Variants in CREB5 observed in about 807,000 individuals in gnomAD.
The protein encoded by CREB5 is cyclic AMP-responsive element-binding protein 5.
A neutral mutation model predicts 57.1 loss-of-function variants in CREB5; 19 were observed. That is an observed-to-expected ratio of 0.33 (90% CI 0.23 to 0.49). The LOEUF is 0.49. CREB5 is among the 20% of genes least tolerant of loss of function. CREB5 has a pLI of 0.99. For missense variants in CREB5, 579 were observed against 671.6 expected (o/e 0.86, Z 1.52); for synonymous variants, 238 against 238.3 (o/e 1.00, Z 0.01).
intron 4 of CREB5, among the ~76,000 whole-genome samples, chr7:28,534,922 C>T (rs1793893022): frequency 7.1e-6 from 1 of 141,546 alleles, no homozygotes; most frequent in Admixed American, 7.0e-5. Flanking sequence ...ACTCTGGAGT[C>T]TGAGTTCTCA....
At chr7:28,410,140 G>A (rs1161771747), upstream of CREB5, 2 of 388,900 alleles carry the variant, frequency 5.1e-6, no homozygotes, top group African/African-American at 4.2e-5. Context: ...CCGGGCTGCC[G>A]GCTGCAGCGG....
chr7:28,521,255 G>A (rs575880210), intron 4 of CREB5, among the ~76,000 whole-genome samples: 3 of 152,176 alleles, frequency 2.0e-5, no homozygotes, highest in African/African-American at 2.4e-5. Flanking sequence ...TTAGAGTTTC[G>A]GAAGGCCGTG....
At chr7:28,367,680 T>C (rs767552699) in intron 1 of CREB5, among the ~76,000 whole-genome samples, 14 of 152,104 alleles carry the variant, frequency 9.2e-5, no homozygotes, top group Non-Finnish European at 1.9e-4. Flanking sequence ...TGGCAGCGCA[T>C]GCCTGTAATC....
At chr7:28,773,170 C>CA (rs200564326) in intron 7 of CREB5, among the ~76,000 whole-genome samples, 2,547 of 147,880 alleles carry the variant, frequency 0.017, 34 homozygotes, top group African/African-American at 0.036. Context: ...CAAAAACAAA[C>CA]AAAAAAAAAA....
chr7:28,676,306 A>C (rs1800318852), intron 5 of CREB5, among the ~76,000 whole-genome samples: 1 of 152,112 alleles, frequency 6.6e-6, no homozygotes, highest in Admixed American at 6.6e-5. Context: ...CATTTTGTCT[A>C]TTCCCTGGGC....
intron 1 of CREB5, among the ~76,000 whole-genome samples, chr7:28,316,026 A>T (rs1785371871): frequency 6.6e-6 from 1 of 152,154 alleles, no homozygotes; most frequent in South Asian, 2.1e-4. Context: ...AGACCTTTTA[A>T]TCTTGTTTCA....
chr7:28,433,477 T>G (rs1032434200), intron 1 of CREB5, among the ~76,000 whole-genome samples: 2 of 152,212 alleles, frequency 1.3e-5, no homozygotes, highest in Admixed American at 1.3e-4. Context: ...TCTCAGAGTA[T>G]TAATATTTTG....
intron 5 of CREB5, chr7:28,686,058 T>C (rs1309233407): frequency 6.8e-7 from 1 of 1,461,008 alleles, no homozygotes; most frequent in Non-Finnish European, 9.5e-7. Context: ...CATTACATCA[T>C]CGCTTGGCCT....
intron 5 of CREB5, among the ~76,000 whole-genome samples, chr7:28,598,228 C>T (rs909812670): frequency 6.6e-6 from 1 of 152,064 alleles, no homozygotes; most frequent in Admixed American, 6.6e-5. Flanking sequence ...CAGGGGTTTC[C>T]GCTTTTGCTT....
intron 5 of CREB5, among the ~76,000 whole-genome samples, chr7:28,706,942 G>A (rs1039093491): frequency 1.2e-4 from 19 of 152,172 alleles, no homozygotes; most frequent in Admixed American, 9.2e-4. Flanking sequence ...ATGAGGTAAC[G>A]TTGTTAAGTC....
intron 1 of CREB5, among the ~76,000 whole-genome samples, chr7:28,315,824 T>C (rs1206166937): frequency 6.6e-6 from 1 of 152,136 alleles, no homozygotes; most frequent in African/African-American, 2.4e-5. Context: ...TGTGGGGAAA[T>C]GAGCTATTGC....
intron 3 of CREB5, among the ~76,000 whole-genome samples, chr7:28,499,652 C>G (rs1225473290): frequency 6.6e-6 from 1 of 152,166 alleles, no homozygotes; most frequent in African/African-American, 2.4e-5. Flanking sequence ...GGCGCTATCT[C>G]AGTTCACTGC....
At chr7:28,591,273 A>C (rs1441088644) in intron 5 of CREB5, among the ~76,000 whole-genome samples, 1 of 152,100 alleles carries the variant, frequency 6.6e-6, no homozygotes, top group African/African-American at 2.4e-5. Flanking sequence ...TTTTTCACCC[A>C]AGCATAACGC....
intron 1 of CREB5, among the ~76,000 whole-genome samples, chr7:28,371,273 A>G (rs1786699401): frequency 6.6e-6 from 1 of 152,156 alleles, no homozygotes; most frequent in South Asian, 2.1e-4. Flanking sequence ...GATGGAGACC[A>G]TCATGGCCAA....
intron 6 of CREB5, 111 bp downstream of exon 6, chr7:28,718,990 G>A: frequency 1.3e-6 from 2 of 1,513,770 alleles, no homozygotes; most frequent in Non-Finnish European, 8.9e-7. Flanking sequence ...GAAGGCGACT[G>A]CTTCTGAATG....
At chr7:28,625,593 T>G (rs1797970197) in intron 5 of CREB5, among the ~76,000 whole-genome samples, 1 of 152,218 alleles carries the variant, frequency 6.6e-6, no homozygotes, top group Admixed American at 6.5e-5. Context: ...GGTCATGCAT[T>G]TCTGTTTGCT....
chr7:28,551,061 A>C (rs538630937), intron 4 of CREB5, among the ~76,000 whole-genome samples: 18 of 152,206 alleles, frequency 1.2e-4, no homozygotes, highest in African/African-American at 4.1e-4. Context: ...GATTAATTTG[A>C]TTCTTCCATT....
At chr7:28,385,285 C>T (rs1043537250) in intron 1 of CREB5, among the ~76,000 whole-genome samples, 7 of 152,224 alleles carry the variant, frequency 4.6e-5, no homozygotes, top group East Asian at 3.9e-4. Context: ...GAATCTTGCT[C>T]GTAGATATCA....
chr7:28,528,267 G>A (rs1562776290), intron 4 of CREB5, among the ~76,000 whole-genome samples: 1 of 152,218 alleles, frequency 6.6e-6, no homozygotes, highest in Non-Finnish European at 1.5e-5. Context: ...GGCTATCACT[G>A]AGTCGGCATT....
Sources: allele counts gnomAD v4.1 joint callset (sites outside exome capture counted in the v4.1 genomes callset), GRCh38; gene constraint gnomAD v4.1.1; transcripts MANE v1.5; gene names NCBI Gene and HGNC (gene_info 2026-07-23, HGNC 2026-07-21).